Variants in CAPG observed in about 807,000 individuals in gnomAD.
CAPG encodes capping actin protein, gelsolin like, also known as macrophage-capping protein.
A neutral mutation model predicts 44.6 loss-of-function variants in CAPG; 32 were observed. The ratio of observed to expected loss-of-function variants is 0.72; its 90% confidence interval spans 0.54 to 0.96. CAPG has a LOEUF of 0.96. CAPG is among the 50% of genes least tolerant of loss of function. The pLI is 0.00. For missense variants in CAPG, 412 were observed against 438.3 expected, an observed-to-expected ratio of 0.94 and a Z score of 0.54; for synonymous variants, 175 against 179.6, an observed-to-expected ratio of 0.97 and a Z score of 0.20.
chr2:85,392,775 G>C (rs995714223), downstream of CAPG, among the ~76,000 whole-genome samples: 1 of 152,192 alleles, frequency 6.6e-6, no homozygotes, highest in Non-Finnish European at 1.5e-5. Context: ...AGATTGCTGG[G>C]CATGGCATGG....
At chr2:85,402,231 C>A (rs927067338) in intron 1 of CAPG, 73 bp from the exon 2 acceptor site, 1 of 1,264,234 alleles carries the variant, frequency 7.9e-7, no homozygotes, top group Non-Finnish European at 1.1e-6. Context: ...CTGGAGAGGC[C>A]CTTTCCAGTG....
chr2:85,406,885 C>T (rs1225503176), intron 1 of CAPG, among the ~76,000 whole-genome samples: 2 of 151,502 alleles, frequency 1.3e-5, no homozygotes, highest in Admixed American at 6.6e-5. Context: ...CCTGTTAGCT[C>T]AGTCTAGCCA....
At chr2:85,394,252 CAGACTGA>C (rs2104774850), downstream of CAPG, among the ~76,000 whole-genome samples, 1 of 152,380 alleles carries the variant, frequency 6.6e-6, no homozygotes, top group South Asian at 2.1e-4. Flanking sequence ...GGGTAAGAAC[CAGACTGA>C]AGACTGTCCA....
intron 1 of CAPG, among the ~76,000 whole-genome samples, chr2:85,416,389 G>C (rs1199091570): frequency 6.6e-6 from 1 of 151,654 alleles, no homozygotes; most frequent in South Asian, 2.1e-4. Context: ...GTCCCTTCTG[G>C]CTCCTCTAAC....
At chr2:85,407,880 G>T (rs909106631) in intron 1 of CAPG, among the ~76,000 whole-genome samples, 1 of 152,228 alleles carries the variant, frequency 6.6e-6, no homozygotes, top group Non-Finnish European at 1.5e-5. Context: ...TGAAACTCCT[G>T]CTGCCTCATT....
At chr2:85,405,587 T>C (rs1687106868) in intron 1 of CAPG, among the ~76,000 whole-genome samples, 1 of 151,972 alleles carries the variant, frequency 6.6e-6, no homozygotes. Context: ...GAGCAGAAGG[T>C]ATTAAGTCTG....
In CAPG at chr2:85,401,267, T is replaced by C. The variant is rs1004868172; in HGVS notation, c.414A>G (p.Lys138=). ...TCTTCTTCCCCTTCACCTGGTAGAGTTTCTTGATGGCAGCTGGGGCTCCTG... is the reference window on the plus strand; with the variant it reads ...TCTTCTTCCCCTTCACCTGGTAGAGCTTCTTGATGGCAGCTGGGGCTCCTG... ...TSTGAPAAIK[K]LYQVKGKKNI... is the part of the protein sequence containing the mutation. The change falls in exon 5 of 10, where the codon AAA becomes AAG. Residue 138 remains lysine (K), a synonymous_variant. Transcript: ENST00000263867. 23 of 1,613,686 alleles carry C rather than the reference T, an allele frequency of 1.4e-5. No homozygotes were observed. Among genetic ancestry groups the C allele is most frequent in the Non-Finnish European group, 1.9e-5 (23 of 1,179,938 alleles).
At chr2:85,404,593 C>CA (rs1687060218) in intron 1 of CAPG, among the ~76,000 whole-genome samples, 1 of 151,878 alleles carries the variant, frequency 6.6e-6, no homozygotes, top group South Asian at 2.1e-4. Flanking sequence ...TACTAAAATA[C>CA]AAAAATTAGC....
chr2:85,413,320 C>G (rs1229897176), upstream of CAPG: 1 of 152,326 alleles, frequency 6.6e-6, no homozygotes, highest in Non-Finnish European at 1.5e-5. Context: ...TGGCTCACGC[C>G]TGTAATCCCA....
At chr2:85,417,833 A>G (rs1687600339) in intron 1 of CAPG, among the ~76,000 whole-genome samples, 1 of 152,012 alleles carries the variant, frequency 6.6e-6, no homozygotes. Context: ...CCTTTCCTCC[A>G]GTGCTTTGAG....
chr2:85,405,479 A>G (rs1687102811), intron 1 of CAPG, among the ~76,000 whole-genome samples: 1 of 152,100 alleles, frequency 6.6e-6, no homozygotes, highest in Admixed American at 6.6e-5. Flanking sequence ...GCAAGCTGGC[A>G]CCATTAGGAG....
At position 85,395,526 on chromosome 2, in the gene CAPG, G is replaced by A. The variant is rs754600072; in HGVS notation, c.981+12C>T. 26 of 1,608,320 alleles carry A rather than the reference G, an allele frequency of 1.6e-5. No individual in the cohort carries two copies. Among genetic ancestry groups the A allele is most frequent in the South Asian group, 7.7e-5 (7 of 90,678 alleles). On this transcript the variant is annotated intron_variant, in intron 9 of 9. Transcript: ENST00000263867. This position sits in a 1 kb window ranked among gnomAD's most constrained non-coding sequence, Gnocchi z 4.3. ...CCTAGGAAGAGGGCTGTGGTTGTGC[G>A]CATCTCCTCACCTGAGTGTTCGGGG...
intron 6 of CAPG, 110 bp downstream of exon 6, chr2:85,399,026 G>T: frequency 1.6e-6 from 2 of 1,253,692 alleles, no homozygotes; most frequent in South Asian, 1.3e-5. Context: ...CAGTACACCA[G>T]ATGGCCCCTG....
Position 85,395,916 on chromosome 2 carries a change from C to G in CAPG, c.893-290G>C. ...CCCTGGAATATTTCAGGGAGGGGAACAGGTGTTCACCCTAGCATCAGACTG... is the reference window on the plus strand; with the variant it reads ...CCCTGGAATATTTCAGGGAGGGGAAGAGGTGTTCACCCTAGCATCAGACTG... On this transcript the variant is annotated intron_variant, in intron 8 of 9. Coordinates refer to ENST00000263867, the MANE Select transcript of CAPG (RefSeq NM_001747.4). This position sits in a 1 kb window ranked among gnomAD's most constrained non-coding sequence, Gnocchi z 4.3. 2.5e-6 allele frequency: 1 copy of G among 407,600 alleles called. No homozygotes were observed. The highest frequency in any genetic ancestry group is 2.9e-5 in the South Asian group (1 of 34,494). The allele number at this position is 407,600 out of a possible 1,614,324, so 25.2% of individuals were successfully genotyped here. A position where few individuals can be genotyped will look rare whatever the true frequency, so the allele number is the denominator to read the frequency against.
upstream of CAPG, chr2:85,419,386 G>C (rs1687663806): frequency 6.6e-6 from 1 of 152,296 alleles, no homozygotes; most frequent in Admixed American, 6.5e-5. Flanking sequence ...GAGCTTCTGA[G>C]GCGCTACAGA....
intron 7 of CAPG, 148 bp from the exon 8 acceptor site, chr2:85,398,300 G>A: frequency 1.1e-6 from 1 of 917,020 alleles, no homozygotes; most frequent in Non-Finnish European, 1.6e-6. Context: ...AGAGAGTGAA[G>A]ACCTGAAAAG....
chr2:85,392,392 A>T (rs1397121199), downstream of CAPG, among the ~76,000 whole-genome samples: 1 of 149,546 alleles, frequency 6.7e-6, no homozygotes, highest in Admixed American at 6.7e-5. Flanking sequence ...TCCGTCTCAA[A>T]AAAAAAAAAA....
intron 1 of CAPG, among the ~76,000 whole-genome samples, chr2:85,417,472 C>G (rs1573198078): frequency 6.8e-6 from 1 of 147,284 alleles, no homozygotes; most frequent in East Asian, 2.0e-4. Context: ...ACAGCTATCT[C>G]AGCTCTTTTT....
Position 85,394,838 on chromosome 2 carries a change from G to A in CAPG, c.*55C>T, listed in dbSNP as rs1686506270. ...CTGCACTGACCAGGCAGCCAGAGAA[G>A]CAAGCAGGCAGGTGGTGGGGGGCAG... On this transcript the variant is annotated 3_prime_UTR_variant, in exon 10 of 10. Transcript: ENST00000263867. 1 of 1,292,694 alleles carries A rather than the reference G, an allele frequency of 7.7e-7. No individual in the cohort carries two copies. The highest frequency in any genetic ancestry group is 1.1e-6 in the Non-Finnish European group (1 of 886,092). 80.1% of individuals were successfully genotyped at this position (1,292,694 alleles called of 1,614,324 possible).
Sources: gnomAD v4.1 joint callset for allele counts (sites outside exome capture counted in the v4.1 genomes callset) on GRCh38, gnomAD v4.1.1 for gene constraint, Gnocchi (gnomAD v3.1) non-coding constraint, MANE v1.5 for transcripts, NCBI Gene and HGNC (gene_info 2026-07-23, HGNC 2026-07-21) for gene names.